The following LMBR1 variants were observed in gnomAD, a reference collection of about 807,000 sequenced individuals.
LMBR1 encodes limb region 1 protein homolog.
A neutral mutation model predicts 73.9 loss-of-function variants in LMBR1; 52 were observed. That is an observed-to-expected ratio of 0.70 (90% CI 0.56 to 0.89). The LOEUF (loss-of-function observed/expected upper bound fraction) is 0.89, where lower values mean the gene tolerates loss of function less well. Among genes scored for constraint, LMBR1 ranks in the 40% least tolerant of loss-of-function variants. The pLI is 0.00. For missense variants in LMBR1, 539 were observed against 579.8 expected, an observed-to-expected ratio of 0.93 and a Z score of 0.72; for synonymous variants, 215 against 209.4, an observed-to-expected ratio of 1.03 and a Z score of -0.23.
chr7:156,679,091 AGTTCATCTGCCCACT>A lies in LMBR1; in HGVS notation c.*4972_*4986del, dbSNP rs1356623872. 2 of 152,242 alleles carry A rather than the reference AGTTCATCTGCCCACT, an allele frequency of 1.3e-5. No homozygotes were observed. 9.4% of individuals were successfully genotyped at this position (152,242 alleles called of 1,614,324 possible). On this transcript the variant is annotated 3_prime_UTR_variant, in exon 17 of 17. Coordinates refer to ENST00000353442, the MANE Select transcript of LMBR1 (RefSeq NM_022458.4). ...GTTGTACTGGCCTGTATTTACATCC[AGTTCATCTGCCCACT>A]GTAAGCGTGACCCCAGGCAAATGTC...
At chr7:156,759,535 T>C (rs1822571013) in intron 8 of LMBR1, among the ~76,000 whole-genome samples, 1 of 152,208 alleles carries the variant, frequency 6.6e-6, no homozygotes, top group South Asian at 2.1e-4. Flanking sequence ...CAGGATAAAA[T>C]GAAATTATGT....
chr7:156,868,734 C>T (rs564952843), intron 1 of LMBR1, among the ~76,000 whole-genome samples: 6 of 151,610 alleles, frequency 4.0e-5, no homozygotes, highest in Non-Finnish European at 8.8e-5. Context: ...GGGAAGCCAA[C>T]GTGGGCAGAT....
At chr7:156,804,746 C>A (rs1831684657) in intron 4 of LMBR1, among the ~76,000 whole-genome samples, 1 of 151,792 alleles carries the variant, frequency 6.6e-6, no homozygotes, top group Non-Finnish European at 1.5e-5. Flanking sequence ...GAATACAACT[C>A]CTTTATAAGG....
At chr7:156,876,181 A>G (rs1381049000) in intron 1 of LMBR1, among the ~76,000 whole-genome samples, 1 of 152,240 alleles carries the variant, frequency 6.6e-6, no homozygotes, top group Non-Finnish European at 1.5e-5. Context: ...CTTATATCAG[A>G]CAAAACAGAC....
At chr7:156,820,809 C>T (rs1198930097) in intron 4 of LMBR1, among the ~76,000 whole-genome samples, 3 of 152,136 alleles carry the variant, frequency 2.0e-5, no homozygotes, top group Admixed American at 6.5e-5. Context: ...GAAGGCTCTG[C>T]GGCAGCTCCA....
chr7:156,696,648 T>G (rs907898677), intron 15 of LMBR1, among the ~76,000 whole-genome samples: 1 of 152,168 alleles, frequency 6.6e-6, no homozygotes, highest in African/African-American at 2.4e-5. Flanking sequence ...TTGTGAGACT[T>G]ATTCACCATC....
At chr7:156,673,406 G>C (rs1332939865), downstream of LMBR1, among the ~76,000 whole-genome samples, 1 of 151,990 alleles carries the variant, frequency 6.6e-6, no homozygotes, top group Non-Finnish European at 1.5e-5. Context: ...AATTTATTTA[G>C]ATATTATTAG....
chr7:156,675,757 C>A (rs1803797959), downstream of LMBR1: 1 of 1,613,888 alleles, frequency 6.2e-7, no homozygotes, highest in Non-Finnish European at 8.5e-7. Context: ...GAGCTCTTTG[C>A]AGAAATCGAT....
intron 4 of LMBR1, among the ~76,000 whole-genome samples, chr7:156,813,063 C>G (rs1465975299): frequency 6.6e-6 from 1 of 152,170 alleles, no homozygotes; most frequent in Non-Finnish European, 1.5e-5. Flanking sequence ...GACTATTTAG[C>G]TTTTAAAGTG....
At chr7:156,813,847 C>T (rs541432378) in intron 4 of LMBR1, among the ~76,000 whole-genome samples, 1 of 152,070 alleles carries the variant, frequency 6.6e-6, no homozygotes, top group Middle Eastern at 3.2e-3. Flanking sequence ...TCAGAAAAAA[C>T]ACCATCTCTT....
chr7:156,808,014 G>A (rs1220892455), intron 4 of LMBR1, among the ~76,000 whole-genome samples: 2 of 151,916 alleles, frequency 1.3e-5, no homozygotes, highest in African/African-American at 4.8e-5. Context: ...AAAATGTATT[G>A]AGACTTATTT....
Position 156,893,085 on chromosome 7 carries a change from G to A in LMBR1, c.-92C>T, listed in dbSNP as rs1586531532. 3.2e-6 allele frequency: 4 copies of A among 1,267,362 alleles called. No homozygotes were observed. Among genetic ancestry groups the A allele is most frequent in the Middle Eastern group, 2.2e-4 (1 of 4,518 alleles). The allele number at this position is 1,267,362 out of a possible 1,614,324, so 78.5% of individuals were successfully genotyped here. A position where few individuals can be genotyped will look rare whatever the true frequency, so the allele number is the denominator to read the frequency against. On this transcript the variant is annotated 5_prime_UTR_variant, in exon 1 of 17. Transcript: ENST00000353442. ...GCAGGGGCTCGGACAGCCGCGCCGG[G>A]GACCGGAGCCGGCACGGGCCCGCGA...
At chr7:156,701,477 AG>A (rs1376382665) in intron 15 of LMBR1, among the ~76,000 whole-genome samples, 1 of 152,238 alleles carries the variant, frequency 6.6e-6, no homozygotes, top group Non-Finnish European at 1.5e-5. Context: ...ATAAAATTCT[AG>A]GAAGTGCAAA....
chr7:156,837,485 G>C (rs544493357), intron 1 of LMBR1, among the ~76,000 whole-genome samples: 1 of 148,408 alleles, frequency 6.7e-6, no homozygotes, highest in African/African-American at 2.5e-5. Context: ...ATGTGGAAAT[G>C]TGAAGAATCA....
In LMBR1 at chr7:156,881,780, A is replaced by T. The variant is rs183618975; in HGVS notation, c.66+11148T>A. ...TAAATCAAAACCACAATGAGATATC[A>T]CCTCACACCTGTTAGGATGGCTATG... On this transcript the variant is annotated intron_variant, in intron 1 of 16. Transcript: ENST00000353442. 1.6e-3 allele frequency among the ~76,000 whole-genome samples: 245 copies of T among 151,768 alleles called. 1 individual carries two copies. The highest frequency in any genetic ancestry group is 5.8e-3 in the African/African-American group (240 of 41,294).
chr7:156,769,532 T>C (rs1158228309), intron 5 of LMBR1, among the ~76,000 whole-genome samples: 1 of 152,246 alleles, frequency 6.6e-6, no homozygotes, highest in Non-Finnish European at 1.5e-5. Context: ...GTTCTTTCTC[T>C]GCACCATCCA....
chr7:156,840,839 T>C (rs1034755023), intron 1 of LMBR1, among the ~76,000 whole-genome samples: 3 of 146,806 alleles, frequency 2.0e-5, no homozygotes, highest in Non-Finnish European at 4.5e-5. Context: ...GTGGCGGGCG[T>C]CTGTAGTCCT....
intron 1 of LMBR1, among the ~76,000 whole-genome samples, chr7:156,885,620 T>C (rs555969710): frequency 6.6e-6 from 1 of 152,204 alleles, no homozygotes; most frequent in African/African-American, 2.4e-5. Flanking sequence ...CTCACACCTG[T>C]AATCCCAGCA....
At chr7:156,891,907 T>C (rs1304011833) in intron 1 of LMBR1, among the ~76,000 whole-genome samples, 2 of 152,194 alleles carry the variant, frequency 1.3e-5, no homozygotes, top group East Asian at 3.8e-4. Context: ...GATCAGTGAG[T>C]ACACAAATTA....
Sources: gnomAD v4.1 joint callset for allele counts (sites outside exome capture counted in the v4.1 genomes callset) on GRCh38, gnomAD v4.1.1 for gene constraint, MANE v1.5 for transcripts, NCBI Gene and HGNC (gene_info 2026-07-23, HGNC 2026-07-21) for gene names.